UPK3A: variants seen among roughly 807,000 people sequenced by gnomAD.
UPK3A encodes uroplakin-3a.
In UPK3A, 32 loss-of-function variants were observed where a neutral mutation model predicts 27.6. The ratio of observed to expected loss-of-function variants is 1.16; its 90% CI spans 0.87 to 1.55. UPK3A has a LOEUF of 1.55. Ranked by LOEUF, UPK3A falls within the 40% of genes most tolerant of loss-of-function variation. The pLI, the probability that UPK3A is intolerant of heterozygous loss-of-function variation, is 0.00. For missense variants in UPK3A, 370 were observed against 367.9 expected, an observed-to-expected ratio of 1.01 and a Z score of -0.05; for synonymous variants, 171 against 163.9, an observed-to-expected ratio of 1.04 and a Z score of -0.33.
chr22:45,291,587 G>A (rs895974868), intron 4 of UPK3A, among the ~76,000 whole-genome samples: 1 of 148,600 alleles, frequency 6.7e-6, no homozygotes, highest in African/African-American at 2.5e-5. Context: ...AGTTTGAGTT[G>A]GTGTGTGGTG....
At position 45,295,842 on chromosome 22, in the gene UPK3A, A is replaced by G. The variant is rs1351797494; in HGVS notation, c.*123A>G. 2 of 1,150,822 alleles carry G rather than the reference A, an allele frequency of 1.7e-6. No individual in the cohort carries two copies. Among genetic ancestry groups the G allele is most frequent in the African/African-American group, 3.1e-5 (2 of 64,412 alleles). 71.3% of individuals were successfully genotyped at this position (1,150,822 alleles called of 1,614,324 possible). On this transcript the variant is annotated 3_prime_UTR_variant, in exon 6 of 6. Transcript: ENST00000216211. ...CAGGGCTTGTCCCTCCAACTGCAGG[A>G]AAACCCTTAATAAAATCTTCTGATG...
At chr22:45,285,215 C>T (rs1033233918) in intron 1 of UPK3A, 150 bp downstream of exon 1, 1 of 742,612 alleles carries the variant, frequency 1.3e-6, no homozygotes, top group East Asian at 2.9e-5. Context: ...TACGGGCCTC[C>T]TCTGTTGGGA....
In UPK3A at chr22:45,285,862, AC is replaced by A. The variant is rs2084113983; in HGVS notation, c.53-78del. 1.9e-6 allele frequency: 3 copies of A among 1,599,752 alleles called. No individual in the cohort carries two copies. The South Asian group carries it at 3.3e-5, about 18-fold the overall frequency. On this transcript the variant is annotated intron_variant, in intron 1 of 5. Transcript: ENST00000216211. ...TGAAGCCCAGGGCCTGGCACACAAC[AC>A]GTGCTCAGTAACTGCAAGCAGAGTG... is the stretch of plus-strand genomic sequence containing the variant.
rs1159319834 is a variant in UPK3A, at chr22:45,287,464, A to T, written c.488+13A>T. 6.3e-7 allele frequency: 1 copy of T among 1,581,046 alleles called. No homozygotes were observed. The highest frequency in any genetic ancestry group is 2.3e-5 in the East Asian group (1 of 43,402). ...CCACGGAGTACAGGTGGGTGTAAACAAACCACTACAGGAGAGCCGCGGCAG... is the reference window on the plus strand; with the variant it reads ...CCACGGAGTACAGGTGGGTGTAAACTAACCACTACAGGAGAGCCGCGGCAG... On this transcript the variant is annotated intron_variant, in intron 3 of 5. Coordinates refer to ENST00000216211, the MANE Select transcript of UPK3A (RefSeq NM_006953.4).
rs1331893707 is a variant in UPK3A, at chr22:45,285,995, C to T, written c.107C>T (p.Thr36Ile). 6 of 1,614,210 alleles carry T rather than the reference C, an allele frequency of 3.7e-6. No individual in the cohort carries two copies. Among genetic ancestry groups the T allele is most frequent in the Non-Finnish European group, 5.1e-6 (6 of 1,180,016 alleles). The change falls in exon 2 of 6, where the codon ACA becomes ATA. Residue 36 changes from threonine to isoleucine, a missense_variant. By Grantham distance (89) the Thr-to-Ile change is moderately conservative (BLOSUM62 -1). Transcript: ENST00000216211. Reference protein sequence around the residue: ...ASVTFATNNPTLTTVALEKPL... With the variant: ...ASVTFATNNPILTTVALEKPL... ...GTGACTTTCGCCACCAACAACCCCA[C>T]ACTTACCACTGTGGCCTTGGAAAAG...
chr22:45,291,151 A>G (rs1287110616), intron 4 of UPK3A, among the ~76,000 whole-genome samples: 5 of 152,156 alleles, frequency 3.3e-5, no homozygotes, highest in Non-Finnish European at 7.4e-5. Flanking sequence ...CCTGGTGCCA[A>G]AAAGGCTGGG....
intron 4 of UPK3A, 64 bp from the exon 5 acceptor site, chr22:45,293,117 C>T (rs1169746250): frequency 6.2e-7 from 1 of 1,604,900 alleles, no homozygotes; most frequent in Non-Finnish European, 8.5e-7. Flanking sequence ...CACCCGCCGC[C>T]TCCTGGGAGA....
At chr22:45,287,521 A>G in intron 3 of UPK3A, 70 bp downstream of exon 3, 1 of 1,533,962 alleles carries the variant, frequency 6.5e-7, no homozygotes, top group South Asian at 1.2e-5. Context: ...GAGCAGGGGC[A>G]AAGTAGGAGC....
Position 45,293,143 on chromosome 22 carries a change from C to T in UPK3A, c.572-38C>T, listed in dbSNP as rs147068840. On this transcript the variant is annotated intron_variant, in intron 4 of 5. Coordinates refer to ENST00000216211, the MANE Select transcript of UPK3A (RefSeq NM_006953.4). ...TCCTGGGAGAAGGGTGAGGGTGGTG[C>T]GGTGTCTGGGAAGTAACCGGGCTGC... The T allele has an allele frequency of 9.4e-3, 15,146 of 1,610,734 alleles. 103 individuals are homozygous for T. Among genetic ancestry groups the T allele is most frequent in the South Asian group, 0.023 (2,121 of 90,966 alleles).
chr22:45,286,756 C>G (rs1197275933), intron 2 of UPK3A, among the ~76,000 whole-genome samples: 1 of 152,168 alleles, frequency 6.6e-6, no homozygotes, highest in Admixed American at 6.6e-5. Flanking sequence ...TCATAGAAGA[C>G]TAGGGTCTGA....
intron 5 of UPK3A, among the ~76,000 whole-genome samples, chr22:45,294,882 C>CTTT (rs533550582): frequency 5.9e-5 from 8 of 134,880 alleles, no homozygotes; most frequent in African/African-American, 2.2e-4. Context: ...CCCTACGCTC[C>CTTT]TTTTTTTTTT....
intron 4 of UPK3A, among the ~76,000 whole-genome samples, chr22:45,291,528 G>C (rs1285924962): frequency 3.3e-5 from 5 of 151,004 alleles, no homozygotes; most frequent in Admixed American, 3.3e-4. Context: ...GAGTTGGAAT[G>C]TGTGTTGTGT....
At position 45,286,094 on chromosome 22, in the gene UPK3A, C is replaced by T. The variant is rs1181121401; in HGVS notation, c.206C>T (p.Ser69Leu). Residue 69 changes from serine (S) to leucine (L), a missense_variant and splice_region_variant, in exon 2 of 6, where the codon TCA becomes TTA. Physicochemically the swap from Ser to Leu is moderately radical, Grantham distance 145 (BLOSUM62 -2). Transcript: ENST00000216211. ...HEVYLYVLVD[S>L]AISRNASVQD... ...GTCTACCTGTATGTCCTGGTCGACTCAGGTAAGGGTCCTGCTTCCCTCTGG... is the reference window on the plus strand; with the variant it reads ...GTCTACCTGTATGTCCTGGTCGACTTAGGTAAGGGTCCTGCTTCCCTCTGG... 8 of 1,613,986 alleles carry T rather than the reference C, an allele frequency of 5.0e-6. No individual in the cohort carries two copies. The Admixed American group carries it at 8.3e-5, about 17-fold the overall frequency.
In UPK3A at chr22:45,295,568, G is replaced by C. The variant is rs1193250203; in HGVS notation, c.713G>C (p.Gly238Ala). 6.2e-7 allele frequency: 1 copy of C among 1,614,090 alleles called. No homozygotes were observed. Among genetic ancestry groups the C allele is most frequent in the Non-Finnish European group, 8.5e-7 (1 of 1,180,028 alleles). ...GAIALSLVDM[G>A]SSDGETTHDS... ...TCCATCCCCTTGGACAGGGACATGG[G>C]GAGTTCTGATGGGGAAACGACTCAC... The change falls in exon 6 of 6, where the codon GGG (glycine) becomes GCG (alanine). Residue 238 changes from glycine to alanine, a missense_variant. By Grantham distance (60) the Gly-to-Ala change is moderately conservative. Transcript: ENST00000216211.
At chr22:45,293,913 T>A (rs563512377) in intron 5 of UPK3A, among the ~76,000 whole-genome samples, 12 of 151,954 alleles carry the variant, frequency 7.9e-5, no homozygotes, top group Non-Finnish European at 1.6e-4. Flanking sequence ...CACCTCTGAT[T>A]TGTGTCGCCT....
At position 45,295,641 on chromosome 22, in the gene UPK3A, G is replaced by T. The variant is rs117722381; in HGVS notation, c.786G>T (p.Ser262=). ...QEAVPKSLGA[S]ESSYTSVNRG... is the part of the protein sequence containing the mutation. ...CTGTTCCCAAGTCGCTGGGGGCCTC[G>T]GAGTCTTCCTACACGTCCGTGAACC... is the stretch of plus-strand genomic sequence containing the variant. The change falls in exon 6 of 6, where the codon TCG becomes TCT. Residue 262 remains serine (S), a synonymous_variant. Transcript: ENST00000216211. The T allele has an allele frequency of 1.1e-5, 17 of 1,613,822 alleles. No homozygotes were observed. Among genetic ancestry groups the T allele is most frequent in the East Asian group, 2.2e-5 (1 of 44,834 alleles).
intron 4 of UPK3A, among the ~76,000 whole-genome samples, chr22:45,291,390 T>C (rs893467591): frequency 2.2e-4 from 25 of 115,896 alleles, no homozygotes; most frequent in Admixed American, 1.1e-3. Flanking sequence ...TATGTGTGTG[T>C]GGTGTGTGGG....
intron 4 of UPK3A, among the ~76,000 whole-genome samples, chr22:45,290,554 TG>T (rs1437649280): frequency 6.6e-6 from 1 of 152,002 alleles, no homozygotes; most frequent in Admixed American, 6.6e-5. Flanking sequence ...GTGAGTGGTG[TG>T]TGAGTGTGAG....
chr22:45,291,609 CTGTG>C (rs59401040), intron 4 of UPK3A, among the ~76,000 whole-genome samples: 6 of 130,854 alleles, frequency 4.6e-5, no homozygotes, highest in African/African-American at 1.5e-4. Context: ...CTGAGTGTGA[CTGTG>C]TGTGTGTGGG....
Sources: allele counts gnomAD v4.1 joint callset (sites outside exome capture counted in the v4.1 genomes callset), GRCh38; gene constraint gnomAD v4.1.1; transcripts MANE v1.5; gene names NCBI Gene and HGNC (gene_info 2026-07-23, HGNC 2026-07-21).